MED24: variants seen among roughly 807,000 people sequenced by gnomAD.
The protein encoded by MED24 is mediator complex subunit 24.
MED24 carries 74 observed loss-of-function variants against 118.8 expected under a neutral mutation model. The ratio of observed to expected loss-of-function variants is 0.62; its 90% CI spans 0.52 to 0.76. The LOEUF is 0.76. Among genes scored for constraint, MED24 ranks in the 30% least tolerant of loss-of-function variants. The pLI, the probability that MED24 is intolerant of heterozygous loss-of-function variation, is 0.00. For synonymous variants in MED24, 521 were observed against 523.9 expected, an observed-to-expected ratio of 0.99 and a Z score of 0.08; for missense variants, 1,041 against 1,278.9, an observed-to-expected ratio of 0.81 and a Z score of 2.84.
At chr17:40,036,480 G>A (rs1241999803) in intron 3 of MED24, among the ~76,000 whole-genome samples, 1 of 152,144 alleles carries the variant, frequency 6.6e-6, no homozygotes, top group East Asian at 1.9e-4. Flanking sequence ...CACGAGGTGA[G>A]GAGTTTGAGA....
intron 13 of MED24, 159 bp from the exon 14 acceptor site, chr17:40,029,127 G>C (rs568281278): frequency 1.1e-6 from 1 of 940,152 alleles, no homozygotes; most frequent in African/African-American, 1.7e-5. Flanking sequence ...CCTGCTCTCC[G>C]ATCCATCCCT....
Position 40,026,672 on chromosome 17 carries a change from C to A in MED24, c.1784G>T (p.Gly595Val). 6.2e-7 allele frequency: 1 copy of A among 1,611,280 alleles called. No individual in the cohort carries two copies. The highest frequency in any genetic ancestry group is 1.7e-5 in the Admixed American group (1 of 59,706). ...CTGGATGGACTCGAAGGCCAGGACCCCATTCTCCCAGGCATTGAGGATTTC... is the reference window on the plus strand; with the variant it reads ...CTGGATGGACTCGAAGGCCAGGACCACATTCTCCCAGGCATTGAGGATTTC... ...ILEILNAWEN[G>V]VLAFESIQKI... The change falls in exon 18 of 26, where the codon GGG becomes GTG. Residue 595 changes from glycine (G) to valine (V), a missense_variant. Coordinates refer to ENST00000394128, the MANE Select transcript of MED24 (RefSeq NM_014815.4).
chr17:40,031,880 G>A (rs112345961), intron 10 of MED24, among the ~76,000 whole-genome samples, 163 bp downstream of exon 10: 1,526 of 150,068 alleles, frequency 0.01, 15 homozygotes, highest in Middle Eastern at 0.031. Context: ...TGAAGCACAC[G>A]CACATGCTGA....
In MED24 at chr17:40,019,558, C is replaced by G; in HGVS notation, c.2941G>C (p.Val981Leu). 1 of 1,612,586 alleles carries G rather than the reference C, an allele frequency of 6.2e-7. No homozygotes were observed. Among genetic ancestry groups the G allele is most frequent in the Non-Finnish European group, 8.5e-7 (1 of 1,179,646 alleles). The change falls in exon 26 of 26, where the codon GTG (valine) becomes CTG (leucine). Residue 981 changes from valine to leucine, a missense_variant. Coordinates refer to ENST00000394128, the MANE Select transcript of MED24 (RefSeq NM_014815.4). The part of the protein sequence containing the change: ...TDLSLPLGRQ[V>L]AAKAIAAL ...AGTGCAGCAATGGCTTTAGCAGCCA[C>G]CTGGCGGCCCAGGGGCAGGCTGAGG...
At chr17:40,025,581 T>C (rs1268702760) in intron 19 of MED24, among the ~76,000 whole-genome samples, 3 of 152,178 alleles carry the variant, frequency 2.0e-5, no homozygotes, top group Non-Finnish European at 4.4e-5. Flanking sequence ...GTTTCAGAGA[T>C]GCAAGAAAGT....
chr17:40,033,043 C>T lies in MED24; in HGVS notation c.822+13G>A, dbSNP rs371175279. Reference sequence around the variant, plus strand: ...CTGCCTTGGAGAAGGGAGAGCCACTCGGCCCCTCCCACCTGCATGCGCTTC... The same window carrying T: ...CTGCCTTGGAGAAGGGAGAGCCACTTGGCCCCTCCCACCTGCATGCGCTTC... On this transcript the variant is annotated intron_variant, in intron 8 of 25. Transcript: ENST00000394128. The surrounding 1 kb of genome is among the most constrained non-coding windows in gnomAD (Gnocchi z 5.2). The T allele has an allele frequency of 1.8e-5, 29 of 1,613,328 alleles. No individual in the cohort carries two copies. The African/African-American group carries it at 2.5e-4, about 14-fold the overall frequency.
chr17:40,019,329 G>A lies in MED24; in HGVS notation c.*200C>T. 1 of 584,638 alleles carries A rather than the reference G, an allele frequency of 1.7e-6. No individual in the cohort carries two copies. The highest frequency in any genetic ancestry group is 3.0e-6 in the Non-Finnish European group (1 of 330,534). The allele number at this position is 584,638 out of a possible 1,614,324, so 36.2% of individuals were successfully genotyped here. On this transcript the variant is annotated 3_prime_UTR_variant, in exon 26 of 26. Transcript: ENST00000394128. ...TCACTCTCCTCAGGTGCCAGCAGAT[G>A]GAGAGGAAATTTTGAAAGAAGAAAC...
intron 3 of MED24, among the ~76,000 whole-genome samples, chr17:40,048,399 T>C (rs1985476997): frequency 6.6e-6 from 1 of 152,168 alleles, no homozygotes; most frequent in African/African-American, 2.4e-5. Flanking sequence ...CTCCATAACA[T>C]GTGAGAATAT....
chr17:40,030,183 G>A (rs983263166), intron 12 of MED24, among the ~76,000 whole-genome samples: 2 of 151,972 alleles, frequency 1.3e-5, no homozygotes, highest in African/African-American at 4.8e-5. Flanking sequence ...TAGTAGAGAC[G>A]GGGTTTCACC....
chr17:40,036,736 A>T (rs1983986747), intron 3 of MED24, among the ~76,000 whole-genome samples: 1 of 151,578 alleles, frequency 6.6e-6, no homozygotes, highest in East Asian at 1.9e-4. Context: ...CTCAATAAGC[A>T]TGGGTTAACT....
At chr17:40,040,840 T>G (rs1984488431) in intron 3 of MED24, among the ~76,000 whole-genome samples, 1 of 152,006 alleles carries the variant, frequency 6.6e-6, no homozygotes, top group Admixed American at 6.6e-5. Flanking sequence ...GGTCTTGAAC[T>G]CCTGACCTCA....
intron 6 of MED24, among the ~76,000 whole-genome samples, chr17:40,034,289 A>T (rs1983703090): frequency 6.6e-6 from 1 of 152,216 alleles, no homozygotes; most frequent in African/African-American, 2.4e-5. Flanking sequence ...CTGTCAACAC[A>T]GTCCATTTTT....
chr17:40,049,288 T>G, intron 3 of MED24, among the ~76,000 whole-genome samples: 1 of 152,220 alleles, frequency 6.6e-6, no homozygotes, highest in East Asian at 1.9e-4. Flanking sequence ...AACAACATTA[T>G]GTGATTTTTG....
chr17:40,026,451 C>G (rs771403651), intron 18 of MED24, 120 bp from the exon 19 acceptor site: 1 of 1,298,074 alleles, frequency 7.7e-7, no homozygotes, highest in Non-Finnish European at 1.1e-6. Context: ...ACATTCCACA[C>G]CTCTCTCCAC....
chr17:40,022,123 C>T, intron 22 of MED24, 69 bp from the exon 23 acceptor site: 1 of 1,267,494 alleles, frequency 7.9e-7, no homozygotes, highest in Non-Finnish European at 1.1e-6. Context: ...GGGAAAAGAG[C>T]TTGAGCTCCG....
At chr17:40,032,942 A>G in intron 8 of MED24, 114 bp downstream of exon 8, 1 of 1,473,418 alleles carries the variant, frequency 6.8e-7, no homozygotes, top group Non-Finnish European at 9.2e-7. Flanking sequence ...CCCACTTTCC[A>G]TCATGGAGCA....
intron 9 of MED24, 114 bp from the exon 10 acceptor site, chr17:40,032,204 A>AGGAGTGTT: frequency 4.8e-6 from 6 of 1,245,114 alleles, no homozygotes; most frequent in Non-Finnish European, 5.7e-6. Flanking sequence ...GAACACTCCT[A>AGGAGTGTT]CCCTGGGAGT....
At chr17:40,035,017 C>T in intron 6 of MED24, 100 bp downstream of exon 6, 2 of 1,612,670 alleles carry the variant, frequency 1.2e-6, no homozygotes, top group Non-Finnish European at 8.5e-7. Flanking sequence ...TCAGATCCTC[C>T]TGGAAAGAGG....
chr17:40,023,347 C>T lies in MED24; in HGVS notation c.2034G>A (p.Leu678=). 6.2e-7 allele frequency: 1 copy of T among 1,612,546 alleles called. No homozygotes were observed. The highest frequency in any genetic ancestry group is 8.5e-7 in the Non-Finnish European group (1 of 1,179,080). The change falls in exon 20 of 26, where the codon CTG becomes CTA. Residue 678 remains leucine, a synonymous_variant. Transcript: ENST00000394128. ...SILERMCADV[L]QQTATQIKFP... is the part of the protein sequence containing the mutation. Reference sequence around the variant, plus strand: ...ACTTGATCTGCGTGGCTGTCTGCTGCAGCACGTCGGCACACATGCGCTCCA... The same window carrying T: ...ACTTGATCTGCGTGGCTGTCTGCTGTAGCACGTCGGCACACATGCGCTCCA...
Sources: gnomAD v4.1 joint callset for allele counts (sites outside exome capture counted in the v4.1 genomes callset) on GRCh38, gnomAD v4.1.1 for gene constraint, Gnocchi (gnomAD v3.1) non-coding constraint, MANE v1.5 for transcripts, NCBI Gene and HGNC (gene_info 2026-07-23, HGNC 2026-07-21) for gene names.